Variants in KARS1 observed in about 807,000 individuals in gnomAD.
The protein encoded by KARS1 is lysine--tRNA ligase.
A neutral mutation model predicts 63.9 loss-of-function variants in KARS1; 50 were observed. The ratio of observed to expected loss-of-function variants is 0.78; its 90% CI spans 0.62 to 0.99. The LOEUF is 0.99. Ranked by LOEUF, KARS1 falls within the 50% of genes least tolerant of loss-of-function variation. The pLI is 0.00. For missense variants in KARS1, 816 were observed against 754.5 expected, an observed-to-expected ratio of 1.08 and a Z score of -0.95; for synonymous variants, 320 against 264.6, an observed-to-expected ratio of 1.21 and a Z score of -2.03.
At position 75,630,627 on chromosome 16, in the gene KARS1, TTTA is replaced by T. The variant is rs145525565; in HGVS notation, c.1339-122_1339-120del. The T allele has an allele frequency of 0.21, 80,946 of 380,062 alleles. 16,997 individuals are homozygous for T. Among genetic ancestry groups the T allele is most frequent in the East Asian group, 0.75 (11,063 of 14,808 alleles). 23.5% of individuals were successfully genotyped at this position (380,062 alleles called of 1,614,324 possible). ...GGTTTATCCTATAGCTTTTTATTTA[TTTA>T]TTATTATTATTATTATTATTATTGA... On this transcript the variant is annotated intron_variant, in intron 10 of 13. Transcript: ENST00000302445.
At chr16:75,640,014 C>T (rs1040520042) in intron 3 of KARS1, 170 bp downstream of exon 3, 2 of 643,932 alleles carry the variant, frequency 3.1e-6, no homozygotes, top group Non-Finnish European at 5.6e-6. Context: ...TTCCATGTCT[C>T]AGGGCTGCTC....
intron 7 of KARS1, among the ~76,000 whole-genome samples, chr16:75,632,452 C>T (rs776965921): frequency 6.6e-5 from 10 of 152,180 alleles, no homozygotes; most frequent in Admixed American, 1.3e-4. Context: ...AGGCTGCAGG[C>T]GTGTGACCCA....
chr16:75,631,937 G>C lies in KARS1; in HGVS notation c.916-82C>G, dbSNP rs1424941415. Reference sequence around the variant, plus strand: ...AGTTTTGCTCTTGTTGCCTAGGCTGGAGTGCAATGGCAAGATCTCAGCTCA... The same window carrying C: ...AGTTTTGCTCTTGTTGCCTAGGCTGCAGTGCAATGGCAAGATCTCAGCTCA... On this transcript the variant is annotated intron_variant, in intron 7 of 13. Transcript: ENST00000302445. The C allele has an allele frequency of 5.3e-6, 8 of 1,516,872 alleles. No individual in the cohort carries two copies. In the Middle Eastern group the frequency reaches 7.0e-4, roughly 133 times the overall value. The allele number at this position is 1,516,872 out of a possible 1,614,324, so 94.0% of individuals were successfully genotyped here.
intron 2 of KARS1, 85 bp from the exon 3 acceptor site, chr16:75,640,434 GC>G (rs1308984049): frequency 2.4e-6 from 3 of 1,248,998 alleles, no homozygotes; most frequent in African/African-American, 3.0e-5. Flanking sequence ...GCAGTATTCT[GC>G]CCCCGAGTGA....
intron 2 of KARS1, among the ~76,000 whole-genome samples, chr16:75,641,165 AAAAAAC>A (rs895904901): frequency 1.3e-5 from 2 of 151,770 alleles, no homozygotes; most frequent in Non-Finnish European, 2.9e-5. Context: ...CTTTGCCTCA[AAAAAAC>A]AAAAACAAAA....
In KARS1 at chr16:75,636,015, C is replaced by G; in HGVS notation, c.566G>C (p.Gly189Ala). The stretch of plus-strand genomic sequence containing the variant: ...GCTCAGCTCACCCTTCTTGGTTTTA[C>G]CAGGATTCCCCTGAACTCCAATTAT... ...GDIIGVQGNP[G>A]KTKKGELSII... The change falls in exon 5 of 14, where the codon GGT becomes GCT. Residue 189 changes from glycine to alanine, a missense_variant. Coordinates refer to ENST00000302445, the MANE Select transcript of KARS1 (RefSeq NM_005548.3). 6.2e-7 allele frequency: 1 copy of G among 1,613,162 alleles called. No homozygotes were observed. Among genetic ancestry groups the G allele is most frequent in the South Asian group, 1.1e-5 (1 of 91,052 alleles).
At chr16:75,644,549 A>C in intron 1 of KARS1, 1 of 921,628 alleles carries the variant, frequency 1.1e-6, no homozygotes. Context: ...GGGGAGGGGG[A>C]CCATGCTTCT....
intron 1 of KARS1, among the ~76,000 whole-genome samples, chr16:75,645,579 G>A (rs2082271408): frequency 6.6e-6 from 1 of 152,192 alleles, no homozygotes; most frequent in Admixed American, 6.5e-5. Context: ...GGGAGTGGTG[G>A]CTCACGCCTA....
chr16:75,640,917 G>C (rs888358651), intron 2 of KARS1, among the ~76,000 whole-genome samples: 18 of 152,244 alleles, frequency 1.2e-4, no homozygotes, highest in Non-Finnish European at 2.4e-4. Flanking sequence ...TAAAACCAAG[G>C]AGGGGCAAGG....
chr16:75,629,364 G>A (rs1373080491), intron 12 of KARS1, 51 bp downstream of exon 12: 2 of 1,610,340 alleles, frequency 1.2e-6, no homozygotes, highest in Non-Finnish European at 1.7e-6. Context: ...GGTTAAGGCT[G>A]GTATTTCCTG....
intron 3 of KARS1, among the ~76,000 whole-genome samples, chr16:75,638,693 T>A (rs927421074): frequency 2.6e-5 from 4 of 151,628 alleles, no homozygotes; most frequent in Non-Finnish European, 2.9e-5. Flanking sequence ...CAACAAATAA[T>A]GCCTTAAGAG....
chr16:75,647,421 G>C, intron 1 of KARS1, 157 bp downstream of exon 1: 1 of 745,510 alleles, frequency 1.3e-6, no homozygotes. Context: ...CCCGGGGTAC[G>C]TGGTCTGCAG....
chr16:75,646,291 C>A (rs1400403550), intron 1 of KARS1, among the ~76,000 whole-genome samples: 5 of 152,180 alleles, frequency 3.3e-5, no homozygotes, highest in Admixed American at 2.0e-4. Context: ...GCCTGTCATC[C>A]CAGCACTTTG....
In KARS1 at chr16:75,631,709, C is replaced by T. The variant is rs933729786; in HGVS notation, c.1062G>A (p.Thr354=). Reference sequence around the variant, plus strand: ...AGGAGTCACCTGAAACCATCTTCTCCGTGATTTCCATGAGATCGTGATAGT... The same window carrying T: ...AGGAGTCACCTGAAACCATCTTCTCTGTGATTTCCATGAGATCGTGATAGT... ...YADYHDLMEI[T]EKMVSGMVKH... Residue 354 remains threonine (T), a synonymous_variant, in exon 8 of 14, where the codon ACG becomes ACA. Coordinates refer to ENST00000302445, the MANE Select transcript of KARS1 (RefSeq NM_005548.3). The T allele has an allele frequency of 4.3e-6, 7 of 1,614,162 alleles. No homozygotes were observed. Among genetic ancestry groups the T allele is most frequent in the African/African-American group, 2.7e-5 (2 of 75,046 alleles).
Position 75,631,831 on chromosome 16 carries a change from G to C in KARS1, c.940C>G (p.Arg314Gly), listed in dbSNP as rs749109933. Residue 314 changes from arginine (R) to glycine (G), a missense_variant, in exon 8 of 14, where the codon CGG becomes GGG. Transcript: ENST00000302445. ...HKMLVVGGID[R>G]VYEIGRQFRN... is the part of the protein sequence containing the mutation. ...AACTGGCGTCCAATTTCATAAACCC[G>C]GTCGATGCCACCAACCACAAGCATC... 1.9e-6 allele frequency: 3 copies of C among 1,614,016 alleles called. No individual in the cohort carries two copies. Among genetic ancestry groups the C allele is most frequent in the Admixed American group, 1.7e-5 (1 of 60,020 alleles).
chr16:75,647,353 G>A, intron 1 of KARS1: 1 of 628,606 alleles, frequency 1.6e-6, no homozygotes, highest in Non-Finnish European at 2.9e-6. Flanking sequence ...CTAGGAGTAT[G>A]ATAGGGAGCA....
chr16:75,647,288 C>G (rs2082297600), intron 1 of KARS1, among the ~76,000 whole-genome samples: 1 of 152,066 alleles, frequency 6.6e-6, no homozygotes, highest in South Asian at 2.1e-4. Context: ...TTTCGCTTTT[C>G]TTTTCTGATA....
At position 75,633,767 on chromosome 16, in the gene KARS1, T is replaced by C. The variant is rs140854929; in HGVS notation, c.915+406A>G. Among the ~76,000 whole-genome samples the C allele has an allele frequency of 3.9e-3, 589 of 152,372 alleles. 4 individuals are homozygous for C. Among genetic ancestry groups the C allele is most frequent in the African/African-American group, 0.013 (550 of 41,598 alleles). On this transcript the variant is annotated intron_variant, in intron 7 of 13. Coordinates refer to ENST00000302445, the MANE Select transcript of KARS1 (RefSeq NM_005548.3). ...CTTGACCTCAAGTGATCCATCCGCC[T>C]TGGCCTCCCAAAGCGCTGGGATTAC...
chr16:75,637,248 G>T (rs1047100702), intron 3 of KARS1, among the ~76,000 whole-genome samples: 1 of 151,876 alleles, frequency 6.6e-6, no homozygotes, highest in African/African-American at 2.4e-5. Context: ...CGTTGCCAAG[G>T]ACCCCCAAAT....
Sources: gnomAD v4.1 joint callset for allele counts (sites outside exome capture counted in the v4.1 genomes callset) on GRCh38, gnomAD v4.1.1 for gene constraint, MANE v1.5 for transcripts, NCBI Gene and HGNC (gene_info 2026-07-23, HGNC 2026-07-21) for gene names.